SCMH1: variants seen among roughly 807,000 people sequenced by gnomAD.
SCMH1 encodes the protein Scm polycomb group protein homolog 1.
SCMH1 carries 37 observed loss-of-function variants against 70.8 expected under a neutral mutation model. That is an observed-to-expected ratio of 0.52 (90% CI 0.40 to 0.69). The LOEUF is 0.69. Ranked by LOEUF, SCMH1 falls within the 30% of genes least tolerant of loss-of-function variation. The probability of loss-of-function intolerance (pLI) is 0.00; values close to 1 mark genes in which losing one functional copy is unlikely to be tolerated. For synonymous variants in SCMH1, 292 were observed against 307.4 expected, an observed-to-expected ratio of 0.95 and a Z score of 0.52; for missense variants, 607 against 827.3, an observed-to-expected ratio of 0.73 and a Z score of 3.27.
At chr1:41,202,836 T>C (rs2148734196) in intron 1 of SCMH1, among the ~76,000 whole-genome samples, 1 of 152,270 alleles carries the variant, frequency 6.6e-6, no homozygotes, top group East Asian at 1.9e-4. Context: ...ACCCTTCCCC[T>C]GACCCAGGGT....
At chr1:41,241,717 C>G (rs1020203077) in intron 1 of SCMH1, among the ~76,000 whole-genome samples, 4 of 152,026 alleles carry the variant, frequency 2.6e-5, no homozygotes, top group African/African-American at 9.6e-5. Context: ...CGGACCGCCC[C>G]CACGCCGACC....
chr1:41,148,003 C>T (rs1644736894), intron 5 of SCMH1, among the ~76,000 whole-genome samples: 1 of 152,080 alleles, frequency 6.6e-6, no homozygotes, highest in Non-Finnish European at 1.5e-5. Flanking sequence ...ACATTTAAAC[C>T]ATTTACATTT....
chr1:41,090,788 C>T (rs568741542), intron 8 of SCMH1, among the ~76,000 whole-genome samples: 2 of 152,140 alleles, frequency 1.3e-5, no homozygotes, highest in Non-Finnish European at 2.9e-5. Flanking sequence ...GCCTGTAATC[C>T]CAGCACTTTG....
exon 11 of SCMH1, chr1:41,048,783 G>C: frequency 1.2e-6 from 2 of 1,614,064 alleles, no homozygotes; most frequent in East Asian, 2.2e-5. Flanking sequence ...ACAGCCTGCT[G>C]CAACACCACA....
chr1:41,202,337 T>G (rs1654556530), intron 1 of SCMH1, among the ~76,000 whole-genome samples: 1 of 151,814 alleles, frequency 6.6e-6, no homozygotes, highest in Non-Finnish European at 1.5e-5. Context: ...CCCAGCCTTT[T>G]TTTTTTTTCC....
intron 2 of SCMH1, among the ~76,000 whole-genome samples, chr1:41,171,299 G>A (rs1490611257): frequency 6.6e-6 from 1 of 152,126 alleles, no homozygotes; most frequent in Non-Finnish European, 1.5e-5. Flanking sequence ...ATATTGATTT[G>A]CCTTCCCTGC....
chr1:41,097,067 T>C (rs1433943896), intron 8 of SCMH1, among the ~76,000 whole-genome samples: 1 of 152,240 alleles, frequency 6.6e-6, no homozygotes, highest in East Asian at 1.9e-4. Context: ...AAATGGATAA[T>C]TAGTTTAGTG....
intron 10 of SCMH1, 57 bp from the exon 11 acceptor site, chr1:41,048,947 A>G: frequency 3.4e-6 from 5 of 1,477,300 alleles, no homozygotes; most frequent in Non-Finnish European, 4.6e-6. Flanking sequence ...GAGAAGTCAG[A>G]GAACAGCATC....
At chr1:41,101,763 C>T (rs1666702852) in intron 8 of SCMH1, among the ~76,000 whole-genome samples, 1 of 150,808 alleles carries the variant, frequency 6.6e-6, no homozygotes, top group Non-Finnish European at 1.5e-5. Context: ...TGCACAAATG[C>T]TTTTTCCTGA....
intron 1 of SCMH1, among the ~76,000 whole-genome samples, chr1:41,207,789 AG>A (rs1387599815): frequency 6.6e-6 from 1 of 152,026 alleles, no homozygotes; most frequent in East Asian, 1.9e-4. Context: ...GGTGCTGGAG[AG>A]GATGTGGAGA....
At chr1:41,092,777 C>T (rs1663997828) in intron 8 of SCMH1, among the ~76,000 whole-genome samples, 1 of 152,136 alleles carries the variant, frequency 6.6e-6, no homozygotes, top group Non-Finnish European at 1.5e-5. Context: ...AAAAAATGCT[C>T]ATCATCACTG....
chr1:41,042,453 T>C lies in SCMH1; in HGVS notation c.1498+3954A>G, dbSNP rs535697167. Among the ~76,000 whole-genome samples the C allele has an allele frequency of 8.5e-5, 13 of 152,232 alleles. No homozygotes were observed. The South Asian group carries it at 2.7e-3, about 32-fold the overall frequency. ...TAGTAGAGACAGGGTTTCACCATGT[T>C]AGCCAGGCTGGTCTCGAACTCCCGA... is the stretch of plus-strand genomic sequence containing the variant. On this transcript the variant is annotated intron_variant, in intron 12 of 14. Transcript: ENST00000337495.
chr1:41,200,055 G>C (rs1041693851), intron 1 of SCMH1, among the ~76,000 whole-genome samples: 2 of 152,148 alleles, frequency 1.3e-5, no homozygotes, highest in Admixed American at 6.5e-5. Context: ...ATGTAAAAAA[G>C]TGTTATTAAT....
At chr1:41,184,580 C>T (rs1032404989) in intron 2 of SCMH1, among the ~76,000 whole-genome samples, 2 of 152,122 alleles carry the variant, frequency 1.3e-5, no homozygotes, top group Non-Finnish European at 1.5e-5. Flanking sequence ...CTGGAATGCT[C>T]AGCAGGGATT....
chr1:41,126,978 G>T (rs994190819), intron 6 of SCMH1, among the ~76,000 whole-genome samples: 1 of 151,962 alleles, frequency 6.6e-6, no homozygotes, highest in African/African-American at 2.4e-5. Flanking sequence ...GTACCATTCT[G>T]CATGTCCCCA....
intron 10 of SCMH1, among the ~76,000 whole-genome samples, chr1:41,054,337 C>T (rs1649432135): frequency 6.6e-6 from 1 of 152,102 alleles, no homozygotes. Context: ...GAAAGTATCA[C>T]CTGGCTTCTC....
At chr1:41,235,342 C>T (rs986088051) in intron 1 of SCMH1, among the ~76,000 whole-genome samples, 1 of 151,256 alleles carries the variant, frequency 6.6e-6, no homozygotes, top group Non-Finnish European at 1.5e-5. Flanking sequence ...TTTGGGAGGC[C>T]GAGGCAGATC....
intron 8 of SCMH1, among the ~76,000 whole-genome samples, chr1:41,105,885 T>C (rs1197020057): frequency 2.0e-5 from 3 of 151,964 alleles, no homozygotes; most frequent in Non-Finnish European, 4.4e-5. Context: ...TAGTTTTTTT[T>C]TTTTTTTGAG....
intron 12 of SCMH1, among the ~76,000 whole-genome samples, chr1:41,044,782 G>C (rs192299940): frequency 2.3e-4 from 35 of 152,180 alleles, no homozygotes; most frequent in Admixed American, 1.9e-3. Flanking sequence ...TCTAGTGGCT[G>C]AATCAGAGAG....
Sources: allele counts gnomAD v4.1 joint callset (sites outside exome capture counted in the v4.1 genomes callset), GRCh38; gene constraint gnomAD v4.1.1; transcripts MANE v1.5; gene names NCBI Gene and HGNC (gene_info 2026-07-23, HGNC 2026-07-21).